TNPO1: variants seen among roughly 807,000 people sequenced by gnomAD.
TNPO1 encodes the protein transportin-1.
Under a neutral mutation model 119.5 loss-of-function variants are expected in TNPO1, and 8 were observed. That is an observed-to-expected ratio of 0.07 (90% confidence interval 0.04 to 0.12). TNPO1 has a LOEUF of 0.12. TNPO1 is among the 10% of genes least tolerant of loss of function. The pLI, the probability that TNPO1 is intolerant of heterozygous loss-of-function variation, is 1.00. For missense variants in TNPO1, 576 were observed against 1,089.8 expected, an observed-to-expected ratio of 0.53 and a Z score of 6.64; for synonymous variants, 362 against 363.0, an observed-to-expected ratio of 1.00 and a Z score of 0.03.
At chr5:72,865,014 T>G (rs1746774172) in intron 5 of TNPO1, among the ~76,000 whole-genome samples, 1 of 152,228 alleles carries the variant, frequency 6.6e-6, no homozygotes, top group Admixed American at 6.5e-5. Flanking sequence ...ATATTTAATT[T>G]AAACAAACTG....
At chr5:72,827,418 T>C (rs759167376) in intron 1 of TNPO1, among the ~76,000 whole-genome samples, 1 of 152,106 alleles carries the variant, frequency 6.6e-6, no homozygotes, top group Non-Finnish European at 1.5e-5. Flanking sequence ...TCTCAGACAA[T>C]GGGTTATAAG....
intron 18 of TNPO1, among the ~76,000 whole-genome samples, chr5:72,894,600 G>A (rs972600856): frequency 2.6e-5 from 4 of 152,162 alleles, no homozygotes; most frequent in Admixed American, 6.5e-5. Context: ...GAACCCGGGA[G>A]GCAGAGTCTG....
chr5:72,863,061 A>G (rs1335097610), intron 5 of TNPO1, among the ~76,000 whole-genome samples: 1 of 148,922 alleles, frequency 6.7e-6, no homozygotes, highest in Non-Finnish European at 1.5e-5. Context: ...TTTTTTTGCC[A>G]CTGATTAGAT....
rs183907013 is a variant in TNPO1 at position 72,820,229 on chromosome 5, T to C, written c.15+3477T>C. Among the ~76,000 whole-genome samples, 33 of 152,286 alleles carry C rather than the reference T, an allele frequency of 2.2e-4. No homozygotes were observed. In the East Asian group the frequency reaches 4.2e-3, roughly 20 times the overall value. On this transcript the variant is annotated intron_variant, in intron 1 of 24. Coordinates refer to ENST00000337273, the MANE Select transcript of TNPO1 (RefSeq NM_002270.4). ...ACAGTTTCTAATTTTTTTGCAGTTA[T>C]AAGAAACACTGCAATGAACATCCTC...
chr5:72,823,621 A>G (rs1361537757), intron 1 of TNPO1, among the ~76,000 whole-genome samples: 1 of 151,374 alleles, frequency 6.6e-6, no homozygotes, highest in African/African-American at 2.4e-5. Flanking sequence ...TGATGTTTTC[A>G]CTCCCTTTTA....
chr5:72,883,113 G>C lies in TNPO1; in HGVS notation c.1031G>C (p.Arg344Pro), dbSNP rs1278439280. 3 of 1,613,910 alleles carry C rather than the reference G, an allele frequency of 1.9e-6. No individual in the cohort carries two copies. The highest frequency in any genetic ancestry group is 2.5e-6 in the Non-Finnish European group (3 of 1,180,024). Residue 344 changes from arginine to proline, a missense_variant, in exon 11 of 25, where the codon CGG becomes CCG. Arg to Pro is a moderately radical substitution (Grantham distance 103). This residue lies in a region of TNPO1 where 310 missense variants were observed against 583.0 expected (regional missense o/e 0.53). Transcript: ENST00000337273. ...ATTCCTGATAGTGAACAGGATATAC[G>C]GCCACGTTTTCACCGATCGAGGACG... ...ETIPDSEQDI[R>P]PRFHRSRTVA... is the part of the protein sequence containing the mutation.
Position 72,888,241 on chromosome 5 carries a change from A to G in TNPO1, c.1467A>G (p.Leu489=), listed in dbSNP as rs767971821. The G allele has an allele frequency of 2.5e-6, 4 of 1,614,054 alleles. No homozygotes were observed. In the African/African-American group the frequency reaches 4.0e-5, roughly 16 times the overall value. ...CGCCAGACACGTACCTGAAGCCATT[A>G]ATGACAGAATTGCTAAAGCGCATCC... ...SQPPDTYLKP[L]MTELLKRILD... is the part of the protein sequence containing the mutation. The change falls in exon 13 of 25, where the codon TTA becomes TTG. Residue 489 remains leucine (L), a synonymous_variant. Coordinates refer to ENST00000337273, the MANE Select transcript of TNPO1 (RefSeq NM_002270.4).
At chr5:72,896,999 A>C (rs1197925002) in intron 19 of TNPO1, 57 bp from the exon 20 acceptor site, 4 of 1,048,224 alleles carry the variant, frequency 3.8e-6, no homozygotes, top group African/African-American at 1.6e-5. Flanking sequence ...TTTCACATTG[A>C]TATTTTAACG....
chr5:72,830,095 G>C (rs1445412226), intron 1 of TNPO1, among the ~76,000 whole-genome samples: 1 of 152,184 alleles, frequency 6.6e-6, no homozygotes, highest in African/African-American at 2.4e-5. Flanking sequence ...AATATTTAAT[G>C]TAGGAATTTG....
chr5:72,838,311 G>A (rs186582832), intron 1 of TNPO1, among the ~76,000 whole-genome samples: 7 of 152,070 alleles, frequency 4.6e-5, no homozygotes, highest in Admixed American at 6.6e-5. Flanking sequence ...GCAATCGAAC[G>A]GCAATAAAAC....
In TNPO1 at chr5:72,914,022, G is replaced by T. The variant is rs1045323641; in HGVS notation, c.*5349G>T. The T allele has an allele frequency of 2.6e-5, 4 of 152,504 alleles. No homozygotes were observed. The highest frequency in any genetic ancestry group is 4.4e-5 in the Non-Finnish European group (3 of 67,974). 9.4% of individuals were successfully genotyped at this position (152,504 alleles called of 1,614,324 possible). A position where few individuals can be genotyped will look rare whatever the true frequency, so the allele number is the denominator to read the frequency against. The stretch of plus-strand genomic sequence containing the variant: ...GTTACAAATATAACTGGATCTTTCT[G>T]CTGACAACTTAGGTTGTATGAGTTA... On this transcript the variant is annotated 3_prime_UTR_variant, in exon 25 of 25. Transcript: ENST00000337273.
chr5:72,829,263 A>G (rs1692381994), intron 1 of TNPO1, among the ~76,000 whole-genome samples: 1 of 152,218 alleles, frequency 6.6e-6, no homozygotes, highest in Admixed American at 6.5e-5. Flanking sequence ...AGTGATGAAC[A>G]CAGTTTTCTG....
chr5:72,866,141 A>C (rs1178951148), intron 6 of TNPO1, among the ~76,000 whole-genome samples: 1 of 152,180 alleles, frequency 6.6e-6, no homozygotes, highest in East Asian at 1.9e-4. Context: ...TTAGAGTACA[A>C]ATGAATCCAT....
chr5:72,824,927 T>A (rs1052997297), intron 1 of TNPO1, among the ~76,000 whole-genome samples: 9 of 152,238 alleles, frequency 5.9e-5, no homozygotes, highest in Non-Finnish European at 1.2e-4. Flanking sequence ...ATGCCTGCTT[T>A]ACCCACAGAC....
At chr5:72,879,599 A>G (rs1474035847) in intron 9 of TNPO1, among the ~76,000 whole-genome samples, 2 of 152,152 alleles carry the variant, frequency 1.3e-5, no homozygotes, top group Non-Finnish European at 2.9e-5. Context: ...GCCTCAAGCA[A>G]TTCATACTGC....
rs957481207 is a variant in TNPO1, at chr5:72,911,570, A to G, written c.*2897A>G. On this transcript the variant is annotated 3_prime_UTR_variant, in exon 25 of 25. Transcript: ENST00000337273. Reference sequence around the variant, plus strand: ...AAATCTAATACATCATGGGATATATATAAAGCAACTTAATTCTTGTGGTGT... The same window carrying G: ...AAATCTAATACATCATGGGATATATGTAAAGCAACTTAATTCTTGTGGTGT... The G allele has an allele frequency of 6.6e-6, 1 of 152,580 alleles. No individual in the cohort carries two copies. Among genetic ancestry groups the G allele is most frequent in the African/African-American group, 2.4e-5 (1 of 41,470 alleles). 9.5% of individuals were successfully genotyped at this position (152,580 alleles called of 1,614,324 possible).
chr5:72,875,768 C>A, intron 8 of TNPO1, 31 bp downstream of exon 8: 1 of 1,582,682 alleles, frequency 6.3e-7, no homozygotes, highest in South Asian at 1.1e-5. Context: ...GCTCTTTCAT[C>A]ATCTTTCCCC....
intron 1 of TNPO1, among the ~76,000 whole-genome samples, chr5:72,833,484 C>T (rs1744566773): frequency 6.6e-6 from 1 of 152,058 alleles, no homozygotes; most frequent in South Asian, 2.1e-4. Flanking sequence ...CATTCTGAAG[C>T]TTAGATGCTA....
At chr5:72,848,354 C>T (rs756507953) in intron 1 of TNPO1, 31 bp from the exon 2 acceptor site, 14 of 1,599,562 alleles carry the variant, frequency 8.8e-6, no homozygotes, top group African/African-American at 4.0e-5. Flanking sequence ...ACAGTTGCTC[C>T]GTCTCTTCCT....
Sources: gnomAD v4.1 joint callset for allele counts (sites outside exome capture counted in the v4.1 genomes callset) on GRCh38, gnomAD v4.1.1 for gene constraint, gnomAD v4.1.1 regional missense constraint, MANE v1.5 for transcripts, NCBI Gene and HGNC (gene_info 2026-07-23, HGNC 2026-07-21) for gene names.